RBFOX1: variants seen among roughly 807,000 people sequenced by gnomAD.
The protein encoded by RBFOX1 is RNA binding protein fox-1 homolog 1.
RBFOX1 carries 8 observed loss-of-function variants against 57.7 expected under a neutral mutation model. The ratio of observed to expected loss-of-function variants is 0.14; its 90% CI spans 0.08 to 0.25. The LOEUF (loss-of-function observed/expected upper bound fraction) is 0.25, where lower values mean the gene tolerates loss of function less well. Ranked by LOEUF, RBFOX1 falls within the 10% of genes least tolerant of loss-of-function variation. RBFOX1 has a pLI of 1.00. For synonymous variants in RBFOX1, 326 were observed against 222.4 expected (o/e 1.47, Z -4.15); for missense variants, 611 against 548.5 (o/e 1.11, Z -1.14).
At chr16:7,707,918 A>T (rs1327623508) in intron 14 of RBFOX1, among the ~76,000 whole-genome samples, 1 of 152,150 alleles carries the variant, frequency 6.6e-6, no homozygotes, top group Non-Finnish European at 1.5e-5. Flanking sequence ...ATCAGCTTTC[A>T]AGGAAGGACG....
intron 4 of RBFOX1, among the ~76,000 whole-genome samples, chr16:7,078,701 G>GAGACAGGCT (rs2058685073): frequency 9.0e-6 from 1 of 111,690 alleles, no homozygotes. Flanking sequence ...ATTTTTTTTT[G>GAGACAGGCT]AGACAGGCTC....
At chr16:6,408,606 C>T (rs1199575600) in intron 2 of RBFOX1, among the ~76,000 whole-genome samples, 1 of 152,052 alleles carries the variant, frequency 6.6e-6, no homozygotes, top group Non-Finnish European at 1.5e-5. Context: ...ATGAAGTGTC[C>T]TCTGTTCTTA....
intron 2 of RBFOX1, among the ~76,000 whole-genome samples, chr16:5,565,225 C>G (rs776773784): frequency 6.6e-6 from 1 of 152,166 alleles, no homozygotes; most frequent in Non-Finnish European, 1.5e-5. Flanking sequence ...TAAGCTATCT[C>G]CATGATATTC....
chr16:7,192,593 C>G (rs988521799), intron 4 of RBFOX1, among the ~76,000 whole-genome samples: 1 of 152,130 alleles, frequency 6.6e-6, no homozygotes, highest in African/African-American at 2.4e-5. Flanking sequence ...GAGATCCAGA[C>G]ACACGAAAAG....
At chr16:6,664,911 C>A (rs557532447) in intron 3 of RBFOX1, among the ~76,000 whole-genome samples, 1 of 152,324 alleles carries the variant, frequency 6.6e-6, no homozygotes, top group East Asian at 1.9e-4. Context: ...TGTCTGTCCA[C>A]AGCTGCATCG....
intron 1 of RBFOX1, among the ~76,000 whole-genome samples, chr16:5,401,764 TCTCCTCCTCCTC>T (rs71142618): frequency 1.9e-5 from 2 of 103,410 alleles, no homozygotes; most frequent in African/African-American, 3.4e-5. Context: ...TCCCTGTCTC[TCTCCTCCTCCTC>T]CTCCTCCTCC....
chr16:7,097,333 G>C (rs1415520099), intron 4 of RBFOX1, among the ~76,000 whole-genome samples: 1 of 152,090 alleles, frequency 6.6e-6, no homozygotes, highest in Admixed American at 6.5e-5. Context: ...CAGAGAGAGA[G>C]AGAGTTCTGA....
intron 13 of RBFOX1, among the ~76,000 whole-genome samples, 166 bp downstream of exon 13, chr16:7,665,134 A>C (rs986171999): frequency 6.6e-6 from 1 of 152,080 alleles, no homozygotes; most frequent in Non-Finnish European, 1.5e-5. Context: ...CTGCTCTTGA[A>C]CTTGTGGCAG....
chr16:5,498,052 G>A (rs1231422675), intron 2 of RBFOX1, among the ~76,000 whole-genome samples: 1 of 152,186 alleles, frequency 6.6e-6, no homozygotes, highest in Non-Finnish European at 1.5e-5. Context: ...CAGAGTGGCT[G>A]GAGTGAGTGA....
At chr16:5,513,658 A>G (rs1005925657) in intron 2 of RBFOX1, among the ~76,000 whole-genome samples, 6 of 152,184 alleles carry the variant, frequency 3.9e-5, no homozygotes, top group African/African-American at 1.4e-4. Flanking sequence ...TTGTTTATTT[A>G]TTCAATCATT....
rs188986233 is a variant in RBFOX1, at chr16:6,624,849, C to T, written c.-63-29754C>T. 5.9e-3 allele frequency among the ~76,000 whole-genome samples: 897 copies of T among 152,076 alleles called. 9 individuals carry two copies. The highest frequency in any genetic ancestry group is 8.5e-3 in the Non-Finnish European group (577 of 67,984). ...CCATGTATAACCCCCCATGTAAGAC[C>T]AGCCCTTTGTCTTCTAAGAAATGAC... On this transcript the variant is annotated intron_variant, in intron 2 of 15. Transcript: ENST00000550418.
chr16:5,719,836 G>C (rs2051860885), intron 3 of RBFOX1, among the ~76,000 whole-genome samples: 1 of 152,098 alleles, frequency 6.6e-6, no homozygotes, highest in Admixed American at 6.5e-5. Context: ...TCCGTGTTTG[G>C]CTATTATGAA....
At chr16:5,969,729 T>TA (rs1328671551) in intron 4 of RBFOX1, among the ~76,000 whole-genome samples, 1 of 152,112 alleles carries the variant, frequency 6.6e-6, no homozygotes, top group Non-Finnish European at 1.5e-5. Context: ...CATGTAGTTT[T>TA]AAAAAATTGT....
In RBFOX1 at chr16:5,613,953, C is replaced by G. The variant is rs543188521; in HGVS notation, c.318+14992C>G. Among the ~76,000 whole-genome samples the G allele has an allele frequency of 2.7e-4, 41 of 150,156 alleles. 1 individual carries two copies. The South Asian group carries it at 8.4e-3, about 31-fold the overall frequency. On this transcript the variant is annotated intron_variant, in intron 3 of 19. Transcript: ENST00000641259. ...TTTTTTTTTTTTATCCTGATGCTGCCTTTCAGGGTCCCAGCTCTTTGACCT... is the reference window on the plus strand; with the variant it reads ...TTTTTTTTTTTTATCCTGATGCTGCGTTTCAGGGTCCCAGCTCTTTGACCT...
intron 3 of RBFOX1, among the ~76,000 whole-genome samples, chr16:5,680,139 G>C (rs7205245): frequency 6.6e-6 from 1 of 152,260 alleles, no homozygotes; most frequent in East Asian, 1.9e-4. Flanking sequence ...GGAGAAGGAA[G>C]ATATGTGTGG....
intron 2 of RBFOX1, among the ~76,000 whole-genome samples, chr16:6,614,938 T>A (rs187598353): frequency 1.3e-5 from 2 of 152,350 alleles, no homozygotes; most frequent in African/African-American, 4.8e-5. Context: ...TTTTTGTTGC[T>A]AACAGACACT....
At chr16:6,875,742 T>A (rs1446872420) in intron 3 of RBFOX1, among the ~76,000 whole-genome samples, 2 of 152,196 alleles carry the variant, frequency 1.3e-5, no homozygotes, top group Admixed American at 1.3e-4. Context: ...TGGTGGCCCA[T>A]GCCTGTAACA....
At chr16:6,392,090 C>G (rs1198705109) in intron 2 of RBFOX1, among the ~76,000 whole-genome samples, 3 of 152,176 alleles carry the variant, frequency 2.0e-5, no homozygotes, top group African/African-American at 7.2e-5. Flanking sequence ...AAACTGCTGT[C>G]AAGGAAAATT....
intron 4 of RBFOX1, among the ~76,000 whole-genome samples, chr16:7,489,987 C>A (rs1365204295): frequency 6.6e-6 from 1 of 152,108 alleles, no homozygotes; most frequent in East Asian, 1.9e-4. Flanking sequence ...ATGTGTCTCT[C>A]TCCAAAATGC....
Sources: gnomAD v4.1 joint callset for allele counts (sites outside exome capture counted in the v4.1 genomes callset) on GRCh38, gnomAD v4.1.1 for gene constraint, MANE v1.5 for transcripts, NCBI Gene and HGNC (gene_info 2026-07-23, HGNC 2026-07-21) for gene names.